Variants in MYO19 observed in about 807,000 individuals in gnomAD.
The protein encoded by MYO19 is unconventional myosin-XIX.
MYO19 carries 132 observed loss-of-function variants against 129.2 expected under a neutral mutation model. That is an observed-to-expected ratio of 1.02 (90% confidence interval 0.89 to 1.18). The LOEUF (loss-of-function observed/expected upper bound fraction) is 1.18, where lower values mean the gene tolerates loss of function less well. MYO19 is among the 50% of genes most tolerant of loss of function. The pLI, the probability that MYO19 is intolerant of heterozygous loss-of-function variation, is 0.00. For missense variants in MYO19, 1,210 were observed against 1,216.7 expected (o/e 0.99, Z 0.08); for synonymous variants, 531 against 477.2 (o/e 1.11, Z -1.47).
chr17:36,503,831 C>G, intron 20 of MYO19, 119 bp downstream of exon 20: 5 of 819,354 alleles, frequency 6.1e-6, no homozygotes, highest in Non-Finnish European at 9.0e-6. Flanking sequence ...CTTCTACAGA[C>G]CAGCCTCTTT....
chr17:36,528,268 G>A, intron 3 of MYO19, 66 bp from the exon 4 acceptor site: 3 of 1,503,324 alleles, frequency 2.0e-6, no homozygotes, highest in East Asian at 5.0e-5. Flanking sequence ...CAGCACTCTG[G>A]GAGGCCAAGG....
At chr17:36,508,536 G>A (rs908266130) in intron 14 of MYO19, 1 of 160,296 alleles carries the variant, frequency 6.2e-6, no homozygotes, top group Non-Finnish European at 1.4e-5. Context: ...AAACTCTTGG[G>A]CTAAAGTGAT....
chr17:36,505,254 G>C, intron 19 of MYO19, 43 bp downstream of exon 19: 1 of 1,549,210 alleles, frequency 6.5e-7, no homozygotes, highest in Non-Finnish European at 8.9e-7. Context: ...GCCTTGGCCA[G>C]ATGGGGTTTG....
intron 24 of MYO19, 74 bp from the exon 25 acceptor site, chr17:36,498,633 T>G: frequency 6.9e-7 from 1 of 1,451,636 alleles, no homozygotes; most frequent in South Asian, 1.4e-5. Flanking sequence ...ATCAAAACTA[T>G]CTTTAACAAA....
intron 23 of MYO19, 34 bp from the exon 24 acceptor site, chr17:36,499,194 A>T (rs1260322542): frequency 6.5e-7 from 1 of 1,540,526 alleles, no homozygotes; most frequent in East Asian, 2.3e-5. Flanking sequence ...GAAAGAGATA[A>T]TAAAGGGGCC....
rs1018965039 is a variant in MYO19, at chr17:36,514,568, G to A, written c.618-20C>T. ...TGAGCCCTGGGACACACACAGGCCA[G>A]AGCCCGTTAGTTGCCCATTCATTCC... On this transcript the variant is annotated intron_variant, in intron 8 of 25. Coordinates refer to ENST00000614623, the MANE Select transcript of MYO19 (RefSeq NM_001163735.2). The A allele has an allele frequency of 3.3e-6, 5 of 1,513,146 alleles. No individual in the cohort carries two copies. The Admixed American group carries it at 5.1e-5, about 15-fold the overall frequency. The allele number at this position is 1,513,146 out of a possible 1,614,324, so 93.7% of individuals were successfully genotyped here.
chr17:36,499,654 C>CTTTTTCT (rs1260911885), intron 23 of MYO19: 18 of 73,098 alleles, frequency 2.5e-4, no homozygotes, highest in African/African-American at 9.5e-4. Flanking sequence ...TATTCTTTTT[C>CTTTTTCT]TTTTTGTTTC....
At chr17:36,512,897 GGAC>G (rs2072463230) in intron 11 of MYO19, 1 of 1,054,444 alleles carries the variant, frequency 9.5e-7, no homozygotes, top group South Asian at 1.6e-5. Context: ...ATGTTCCAGA[GGAC>G]GACGGGGCAC....
intron 5 of MYO19, 49 bp from the exon 6 acceptor site, chr17:36,525,390 AATG>A (rs780527289): frequency 1.5e-6 from 2 of 1,332,070 alleles, no homozygotes; most frequent in Admixed American, 3.4e-5. Context: ...CCTGTTTTTC[AATG>A]ATGACTGAGC....
chr17:36,521,424 A>C (rs777267563), intron 6 of MYO19, among the ~76,000 whole-genome samples: 6 of 152,244 alleles, frequency 3.9e-5, no homozygotes, highest in African/African-American at 4.8e-5. Flanking sequence ...AGAAAAGAAT[A>C]TCTCTCAGAA....
At chr17:36,540,960 C>G (rs1041105185) in intron 2 of MYO19, among the ~76,000 whole-genome samples, 1 of 152,102 alleles carries the variant, frequency 6.6e-6, no homozygotes, top group African/African-American at 2.4e-5. Flanking sequence ...CTCAGCCTAT[C>G]TATGCCCTTC....
chr17:36,526,197 C>T (rs1200701855), intron 5 of MYO19, among the ~76,000 whole-genome samples: 4 of 152,214 alleles, frequency 2.6e-5, no homozygotes, highest in Admixed American at 6.5e-5. Context: ...CCTGCCTCAC[C>T]TTCTTGAACC....
At chr17:36,537,602 G>A, upstream of MYO19, 1 of 1,614,110 alleles carries the variant, frequency 6.2e-7, no homozygotes, top group Non-Finnish European at 8.5e-7. Context: ...CAGGAGCAAT[G>A]GATTTTGGAG....
At chr17:36,530,300 G>A (rs920300743) in intron 3 of MYO19, among the ~76,000 whole-genome samples, 4 of 152,116 alleles carry the variant, frequency 2.6e-5, no homozygotes, top group African/African-American at 4.8e-5. Context: ...GTGAGACCCT[G>A]TCTCTAAATA....
rs773379590 is a variant in MYO19, at chr17:36,501,074, A to T, written c.2242T>A (p.Ser748Thr). 2 of 1,611,644 alleles carry T rather than the reference A, an allele frequency of 1.2e-6. No individual in the cohort carries two copies. Among genetic ancestry groups the T allele is most frequent in the Non-Finnish European group, 1.7e-6 (2 of 1,178,308 alleles). ...CGRTKVFMTD[S>T]MLELLECGRA... is the part of the protein sequence containing the mutation. ...TCATCCCCAAACCAGCTCACCATAG[A>T]GTCAGTCATGAACACCTTGGTCCTG... is the stretch of plus-strand genomic sequence containing the variant. The change falls in exon 22 of 26, where the codon TCT (serine) becomes ACT (threonine). Residue 748 changes from serine (S) to threonine (T), a missense_variant. By Grantham distance (58) the Ser-to-Thr change is moderately conservative (BLOSUM62 1). Coordinates refer to ENST00000614623, the MANE Select transcript of MYO19 (RefSeq NM_001163735.2).
rs1179708925 is a variant in MYO19 at position 36,496,252 on chromosome 17, C to T, written c.2912G>A (p.Ter971=). ...TTGTGGAAACAAAGGCACCAAGGAT[C>T]ACCCCAGCCCAGTGAAGGCAGAAGA... ...VTSSAFTGLG[*] Residue 971 remains the stop codon, a stop_retained_variant, in exon 26 of 26, where the codon TGA becomes TAA. Transcript: ENST00000614623. 2.5e-6 allele frequency: 4 copies of T among 1,613,396 alleles called. No individual in the cohort carries two copies. Among genetic ancestry groups the T allele is most frequent in the Non-Finnish European group, 3.4e-6 (4 of 1,179,590 alleles).
Position 36,513,617 on chromosome 17 carries a change from G to A in MYO19, c.817+12C>T. On this transcript the variant is annotated intron_variant, in intron 10 of 25. Transcript: ENST00000614623. ...TGGGTCAGCGCAAGGTGCTGGATGGGGCTCCCCTTACCTTCTAAGCTCCTC... is the reference window on the plus strand; with the variant it reads ...TGGGTCAGCGCAAGGTGCTGGATGGAGCTCCCCTTACCTTCTAAGCTCCTC... 6.2e-7 allele frequency: 1 copy of A among 1,613,992 alleles called. No homozygotes were observed.
chr17:36,534,998 G>A (rs1294806423), upstream of MYO19: 1 of 152,390 alleles, frequency 6.6e-6, no homozygotes, highest in African/African-American at 2.4e-5. Flanking sequence ...CTCGCGGCGC[G>A]GGGCGCGCAC....
At chr17:36,528,889 G>A (rs1226891848) in intron 3 of MYO19, among the ~76,000 whole-genome samples, 1 of 152,144 alleles carries the variant, frequency 6.6e-6, no homozygotes, top group East Asian at 1.9e-4. Context: ...TAGAAATAAG[G>A]CTATAGGAAT....
Sources: allele counts gnomAD v4.1 joint callset (sites outside exome capture counted in the v4.1 genomes callset), GRCh38; gene constraint gnomAD v4.1.1; transcripts MANE v1.5; gene names NCBI Gene and HGNC (gene_info 2026-07-23, HGNC 2026-07-21).